CENPH: variants seen among roughly 807,000 people sequenced by gnomAD.
CENPH encodes centromere protein H.
In CENPH, 40 loss-of-function variants were observed where a neutral mutation model predicts 42.9. The observed-to-expected ratio is 0.93, with a 90% CI of 0.72 to 1.21. CENPH has a LOEUF of 1.21. Ranked by LOEUF, CENPH falls within the 50% of genes most tolerant of loss-of-function variation. The probability of loss-of-function intolerance (pLI) is 0.00; values close to 1 mark genes in which losing one functional copy is unlikely to be tolerated. For missense variants in CENPH, 302 were observed against 292.9 expected, an observed-to-expected ratio of 1.03 and a Z score of -0.23; for synonymous variants, 88 against 96.5, an observed-to-expected ratio of 0.91 and a Z score of 0.52.
At chr5:69,191,747 C>T in intron 1 of CENPH, 48 bp from the exon 2 acceptor site, 1 of 1,154,660 alleles carries the variant, frequency 8.7e-7, no homozygotes, top group Non-Finnish European at 1.3e-6. Flanking sequence ...ATGAGTAAAA[C>T]CTTAATCAAT....
At chr5:69,200,811 T>C (rs1178433382) in intron 5 of CENPH, among the ~76,000 whole-genome samples, 1 of 75,282 alleles carries the variant, frequency 1.3e-5, no homozygotes, top group Non-Finnish European at 2.1e-5. Flanking sequence ...TCTGCTTGGC[T>C]CACTGCAACC....
At chr5:69,190,564 T>A (rs1747851200) in intron 1 of CENPH, among the ~76,000 whole-genome samples, 1 of 152,140 alleles carries the variant, frequency 6.6e-6, no homozygotes, top group Non-Finnish European at 1.5e-5. Flanking sequence ...CTGTTCTATA[T>A]CATAACAGAG....
At chr5:69,198,722 C>A (rs947604894) in intron 5 of CENPH, among the ~76,000 whole-genome samples, 31 of 152,294 alleles carry the variant, frequency 2.0e-4, no homozygotes, top group Middle Eastern at 3.4e-3. Flanking sequence ...AGCTTGAGCC[C>A]AGGCATTTGA....
chr5:69,207,479 G>A (rs1298996102), intron 7 of CENPH, among the ~76,000 whole-genome samples: 2 of 150,446 alleles, frequency 1.3e-5, no homozygotes, highest in Admixed American at 6.6e-5. Flanking sequence ...GTGAGCCACC[G>A]TGCCTGGCCA....
At position 69,194,645 on chromosome 5, in the gene CENPH, A is replaced by C; in HGVS notation, c.191-2A>C. Reference sequence around the variant, plus strand: ...TAACTTCAAAAAATTATTTATTTGCAGGTGAAGAAAAAACTCCAGAACAAA... The same window carrying C: ...TAACTTCAAAAAATTATTTATTTGCCGGTGAAGAAAAAACTCCAGAACAAA... On this transcript the variant is annotated splice_acceptor_variant, in intron 2 of 8. Transcript: ENST00000283006. LOFTEE classifies it high-confidence loss of function. The C allele has an allele frequency of 6.4e-7, 1 of 1,561,146 alleles. No homozygotes were observed. The highest frequency in any genetic ancestry group is 8.7e-7 in the Non-Finnish European group (1 of 1,143,620).
intron 1 of CENPH, 84 bp downstream of exon 1, chr5:69,189,852 G>T: frequency 7.3e-7 from 1 of 1,372,802 alleles, no homozygotes; most frequent in Non-Finnish European, 9.5e-7. Flanking sequence ...GCTAGGGTTC[G>T]AATTCACGCT....
rs771818061 is a variant in CENPH, at chr5:69,191,826, G to T, written c.166G>T (p.Glu56Ter). 1.3e-6 allele frequency: 2 copies of T among 1,550,310 alleles called. No homozygotes were observed. The highest frequency in any genetic ancestry group is 1.7e-5 in the Admixed American group (1 of 59,136). ...AGCACAGACAAAACAACAACTCTTA[G>T]AATATAAATCAATGGTTGATGCAAG... ...LRAQTKQQLL[E>*]YKSMVDASEE... The change falls in exon 2 of 9, where the codon GAA (glutamate) becomes TAA (stop). Residue 56 changes from glutamate to a stop codon, truncating the protein, a stop_gained. Coordinates refer to ENST00000283006, the MANE Select transcript of CENPH (RefSeq NM_022909.4). LOFTEE classifies it high-confidence loss of function.
At chr5:69,209,431 G>T (rs1284787287) in intron 8 of CENPH, among the ~76,000 whole-genome samples, 4 of 151,922 alleles carry the variant, frequency 2.6e-5, no homozygotes, top group Admixed American at 2.0e-4. Flanking sequence ...CCAGCTACTC[G>T]GGAGGCTGAG....
intron 5 of CENPH, among the ~76,000 whole-genome samples, chr5:69,201,255 C>T (rs1748056237): frequency 6.6e-6 from 1 of 152,164 alleles, no homozygotes; most frequent in South Asian, 2.1e-4. Flanking sequence ...TTGCTCCAGC[C>T]ATACCAAACT....
intron 4 of CENPH, among the ~76,000 whole-genome samples, chr5:69,196,160 C>G (rs1051536746): frequency 6.6e-6 from 1 of 151,700 alleles, no homozygotes; most frequent in African/African-American, 2.4e-5. Flanking sequence ...TGGTCTTGAA[C>G]TCCTAGGCTC....
chr5:69,202,503 C>T lies in CENPH; in HGVS notation c.372-3C>T. ...ATAAATCATCTTTTTGTTTCCTTTT[C>T]AGTGTGCTCATGGATAACATGAAAC... On this transcript the variant is annotated splice_polypyrimidine_tract_variant and splice_region_variant and intron_variant, in intron 5 of 8. Transcript: ENST00000283006. 6.6e-7 allele frequency: 1 copy of T among 1,508,572 alleles called. No individual in the cohort carries two copies. Among genetic ancestry groups the T allele is most frequent in the Middle Eastern group, 1.8e-4 (1 of 5,670 alleles). 93.4% of individuals were successfully genotyped at this position (1,508,572 alleles called of 1,614,324 possible).
At chr5:69,200,595 C>T (rs1748040784) in intron 5 of CENPH, among the ~76,000 whole-genome samples, 1 of 151,932 alleles carries the variant, frequency 6.6e-6, no homozygotes, top group Non-Finnish European at 1.5e-5. Context: ...TGTGCATATT[C>T]CCCTTTTGAC....
rs1254192406 is a variant in CENPH at position 69,204,064 on chromosome 5, TA to T, written c.487+1095del. 1.5e-4 allele frequency among the ~76,000 whole-genome samples: 15 copies of T among 100,292 alleles called. 1 individual carries two copies. The highest frequency in any genetic ancestry group is 5.9e-4 in the East Asian group (2 of 3,414). The allele number at this position is 100,292 out of a possible 152,430, so 65.8% of individuals were successfully genotyped here. A position where few individuals can be genotyped will look rare whatever the true frequency, so the allele number is the denominator to read the frequency against. ...TATATTTATATATTATATATATAAA[TA>T]TATATAATATATAAATATATATAAT... On this transcript the variant is annotated intron_variant, in intron 7 of 8. Transcript: ENST00000283006.
At chr5:69,199,869 T>G (rs1748029461) in intron 5 of CENPH, among the ~76,000 whole-genome samples, 1 of 152,024 alleles carries the variant, frequency 6.6e-6, no homozygotes, top group South Asian at 2.1e-4. Flanking sequence ...TCCCAGCACT[T>G]TGGGAGGCCG....
At chr5:69,208,434 A>C in intron 8 of CENPH, 75 bp downstream of exon 8, 29 of 901,838 alleles carry the variant, frequency 3.2e-5, no homozygotes, top group Non-Finnish European at 4.4e-5. Flanking sequence ...ATCTCAGCTC[A>C]TTGCAAACTC....
At chr5:69,197,691 T>G (rs1049072423) in intron 5 of CENPH, among the ~76,000 whole-genome samples, 6 of 151,938 alleles carry the variant, frequency 3.9e-5, no homozygotes, top group African/African-American at 1.5e-4. Flanking sequence ...TTAGGAGATA[T>G]ACCTAATGCT....
Position 69,202,550 on chromosome 5 carries a change from T to C in CENPH, c.416T>C (p.Leu139Ser). 6.4e-7 allele frequency: 1 copy of C among 1,567,390 alleles called. No homozygotes were observed. Among genetic ancestry groups the C allele is most frequent in the Non-Finnish European group, 8.7e-7 (1 of 1,143,134 alleles). The stretch of plus-strand genomic sequence containing the variant: ...AAACACCTATTAGAGCTAAATAAAT[T>C]AATAATGAAATCACAGCAGGTAAAC... Reference protein sequence around the residue: ...NMKHLLELNKLIMKSQQESWD... With the variant: ...NMKHLLELNKSIMKSQQESWD... The change falls in exon 6 of 9, where the codon TTA becomes TCA. Residue 139 changes from leucine (L) to serine (S), a missense_variant. By Grantham distance (145) the Leu-to-Ser change is moderately radical. Coordinates refer to ENST00000283006, the MANE Select transcript of CENPH (RefSeq NM_022909.4).
At chr5:69,195,676 C>T (rs1467143411) in intron 3 of CENPH, 41 bp from the exon 4 acceptor site, 1 of 1,123,384 alleles carries the variant, frequency 8.9e-7, no homozygotes, top group East Asian at 2.4e-5. Flanking sequence ...ATGTCTTTTT[C>T]TGATATTGCT....
chr5:69,204,477 A>G (rs918589640), intron 7 of CENPH, among the ~76,000 whole-genome samples: 3 of 151,576 alleles, frequency 2.0e-5, no homozygotes, highest in South Asian at 2.1e-4. Context: ...TTTTGTTGAC[A>G]TCGAATCTTG....
Sources: gnomAD v4.1 joint callset for allele counts (sites outside exome capture counted in the v4.1 genomes callset) on GRCh38, gnomAD v4.1.1 for gene constraint, MANE v1.5 for transcripts, NCBI Gene and HGNC (gene_info 2026-07-23, HGNC 2026-07-21) for gene names.